BSN: variants seen among roughly 807,000 people sequenced by gnomAD.
BSN encodes the protein bassoon presynaptic cytomatrix protein, also known as protein bassoon.
In BSN, 57 loss-of-function variants were observed where a neutral mutation model predicts 264.8. The observed-to-expected ratio is 0.22, with a 90% CI of 0.17 to 0.27. The LOEUF is 0.27. Ranked by LOEUF, BSN falls within the 10% of genes least tolerant of loss-of-function variation. The pLI is 1.00. For missense variants in BSN, 4,615 were observed against 5,232.5 expected (o/e 0.88, Z 3.64); for synonymous variants, 2,059 against 2,137.3 (o/e 0.96, Z 1.01).
Position 49,654,672 on chromosome 3 carries a change from C to T in BSN, c.5116C>T (p.Arg1706Trp), listed in dbSNP as rs141249428. 31 of 1,613,728 alleles carry T rather than the reference C, an allele frequency of 1.9e-5. No homozygotes were observed. Among genetic ancestry groups the T allele is most frequent in the East Asian group, 4.5e-5 (2 of 44,876 alleles). ...YGLALDPIPG[R>W]QSTAVQPLVI... ...TCTTGCCCTGGATCCAATCCCAGGA[C>T]GGCAGTCGACCGCCGTGCAGCCCTT... is the stretch of plus-strand genomic sequence containing the variant. The change falls in exon 5 of 12, where the codon CGG (arginine) becomes TGG (tryptophan). Residue 1706 changes from arginine to tryptophan, a missense_variant. Arg to Trp is a moderately radical substitution (Grantham distance 101, BLOSUM62 -3). Coordinates refer to ENST00000296452, the MANE Select transcript of BSN (RefSeq NM_003458.4). The surrounding 1 kb of genome is among the most constrained non-coding windows in gnomAD (Gnocchi z 4.1).
intron 1 of BSN, among the ~76,000 whole-genome samples, chr3:49,575,295 A>G (rs2051834477): frequency 6.6e-6 from 1 of 151,972 alleles, no homozygotes; most frequent in South Asian, 2.1e-4. Flanking sequence ...CAGAGGTTGC[A>G]GTAACCCGAG....
intron 2 of BSN, among the ~76,000 whole-genome samples, chr3:49,632,659 C>A (rs1169537521): frequency 6.6e-6 from 1 of 151,996 alleles, no homozygotes; most frequent in Non-Finnish European, 1.5e-5. Flanking sequence ...AAAAAATAAG[C>A]CAGACGTGGT....
chr3:49,586,348 C>CT lies in BSN; in HGVS notation c.224+31523dup, dbSNP rs574880560. On this transcript the variant is annotated intron_variant, in intron 1 of 11. Coordinates refer to ENST00000296452, the MANE Select transcript of BSN (RefSeq NM_003458.4). ...CAGCTCTATCTATCTATCTATCTAT[C>CT]TATCTATCTATCTATCATTATCTAT... Among the ~76,000 whole-genome samples the CT allele has an allele frequency of 3.4e-4, 52 of 152,076 alleles. 1 individual carries two copies. The highest frequency in any genetic ancestry group is 2.3e-3 in the Admixed American group (35 of 15,264).
intron 1 of BSN, among the ~76,000 whole-genome samples, chr3:49,579,406 AT>A (rs746381369): frequency 2.0e-3 from 280 of 142,312 alleles, no homozygotes; most frequent in African/African-American, 2.8e-3. Flanking sequence ...GCGCTTTACA[AT>A]TTTTTTTTTT....
rs2052592695 is a variant in BSN, at chr3:49,655,690, T to C, written c.6134T>C (p.Leu2045Pro). The part of the protein sequence containing the change: ...QGLQYGSVTD[L>P]RHPTDLLAHP... Reference sequence around the variant, plus strand: ...TTGCAGTATGGCTCAGTCACGGACCTGCGTCATCCTACAGACCTTTTGGCT... The same window carrying C: ...TTGCAGTATGGCTCAGTCACGGACCCGCGTCATCCTACAGACCTTTTGGCT... Residue 2045 changes from leucine (L) to proline (P), a missense_variant, in exon 5 of 12, where the codon CTG becomes CCG. By Grantham distance (98) the Leu-to-Pro change is moderately conservative. This residue lies in a region of BSN where 3,415 missense variants were observed against 3,866.4 expected (regional missense o/e 0.88). Transcript: ENST00000296452. 1.9e-5 allele frequency: 30 copies of C among 1,613,572 alleles called. No homozygotes were observed. Among genetic ancestry groups the C allele is most frequent in the Non-Finnish European group, 2.5e-5 (30 of 1,180,034 alleles).
At chr3:49,609,625 A>G (rs1048557094) in intron 1 of BSN, among the ~76,000 whole-genome samples, 1 of 152,154 alleles carries the variant, frequency 6.6e-6, no homozygotes, top group African/African-American at 2.4e-5. Context: ...TGTGCCTGAC[A>G]TGCATATGGT....
Position 49,638,279 on chromosome 3 carries a change from CAG to C in BSN, c.634-3987_634-3986del, listed in dbSNP as rs1467188963. 8.8e-6 allele frequency among the ~76,000 whole-genome samples: 1 copy of C among 113,714 alleles called. No individual in the cohort carries two copies. Among genetic ancestry groups the C allele is most frequent in the Admixed American group, 1.4e-4 (1 of 7,096 alleles). The allele number at this position is 113,714 out of a possible 152,430, so 74.6% of individuals were successfully genotyped here. On this transcript the variant is annotated intron_variant, in intron 2 of 11. Transcript: ENST00000296452. The surrounding 1 kb of genome is among the most constrained non-coding windows in gnomAD (Gnocchi z 4.3). ...GCACTCAGGCCAGTGGAGTCTGCCA[CAG>C]AACTATTCATGTATACCCAGGCTGG...
Position 49,662,360 on chromosome 3 carries a change from G to A in BSN, c.10515G>A (p.Glu3505=). ...TGCGGAGCCAGGCCTCTGAAGAGGA[G>A]AGCCCCGTCAGTCCTTTGGGGAGGC... ...PPMRSQASEE[E]SPVSPLGRPR... Residue 3505 remains glutamate (E), a synonymous_variant, in exon 6 of 12, where the codon GAG becomes GAA. Transcript: ENST00000296452. The A allele has an allele frequency of 1.2e-6, 2 of 1,613,568 alleles. No homozygotes were observed. Among genetic ancestry groups the A allele is most frequent in the Non-Finnish European group, 1.7e-6 (2 of 1,179,804 alleles).
intron 1 of BSN, among the ~76,000 whole-genome samples, chr3:49,568,116 C>G (rs572401259): frequency 6.6e-6 from 1 of 152,182 alleles, no homozygotes; most frequent in Non-Finnish European, 1.5e-5. Flanking sequence ...TTTACTAACA[C>G]AGTCACAAGA....
intron 1 of BSN, among the ~76,000 whole-genome samples, chr3:49,574,222 C>G (rs1225495302): frequency 1.2e-4 from 16 of 135,018 alleles, no homozygotes; most frequent in African/African-American, 3.3e-4. Flanking sequence ...CCTGCCTCAG[C>G]CTCCCAAAGT....
chr3:49,592,356 C>T (rs1047690553), intron 1 of BSN, among the ~76,000 whole-genome samples: 45 of 151,728 alleles, frequency 3.0e-4, no homozygotes, highest in African/African-American at 9.2e-4. Flanking sequence ...GTGATCCACC[C>T]GCCTCAGCCT....
rs149811759 is a variant in BSN, at chr3:49,600,609, C to T, written c.225-24366C>T. On this transcript the variant is annotated intron_variant, in intron 1 of 11. Coordinates refer to ENST00000296452, the MANE Select transcript of BSN (RefSeq NM_003458.4). ...GATTTTGGGACCAGCATAGGCAACA[C>T]AGTAAGACCCTGTCTCCACAAAGGT... Among the ~76,000 whole-genome samples, 940 of 152,076 alleles carry T rather than the reference C, an allele frequency of 6.2e-3. 8 individuals carry two copies. Among genetic ancestry groups the T allele is most frequent in the African/African-American group, 0.022 (897 of 41,466 alleles).
At chr3:49,558,006 A>G (rs1402073413) in intron 1 of BSN, among the ~76,000 whole-genome samples, 2 of 152,210 alleles carry the variant, frequency 1.3e-5, no homozygotes, top group African/African-American at 4.8e-5. Flanking sequence ...GTCCTTCAGC[A>G]CCTCACAGAC....
At chr3:49,560,116 C>T (rs1200304243) in intron 1 of BSN, among the ~76,000 whole-genome samples, 11 of 152,140 alleles carry the variant, frequency 7.2e-5, no homozygotes, top group African/African-American at 2.6e-4. Flanking sequence ...TGTGGGGGAG[C>T]CCTCCCTGCA....
chr3:49,560,919 G>C (rs1228208731), intron 1 of BSN, among the ~76,000 whole-genome samples: 2 of 152,206 alleles, frequency 1.3e-5, no homozygotes, highest in African/African-American at 4.8e-5. Context: ...GTTCTGGTCA[G>C]CTCTGCTGTG....
intron 1 of BSN, among the ~76,000 whole-genome samples, chr3:49,595,893 A>T (rs2052018934): frequency 6.6e-6 from 1 of 152,138 alleles, no homozygotes; most frequent in Non-Finnish European, 1.5e-5. Context: ...GCAAATATAT[A>T]GTTTTTCCAA....
In BSN at chr3:49,671,307, C is replaced by T. The variant is rs1456510021; in HGVS notation, c.*3822C>T. On this transcript the variant is annotated 3_prime_UTR_variant, in exon 12 of 12. Transcript: ENST00000296452. The surrounding 1 kb of genome is among the most constrained non-coding windows in gnomAD (Gnocchi z 4.1). ...TTGTTTTTGCTTTCCCCTTCCTCCTCCCTCTCTCCCTTTCTTTCCTTCTCT... is the reference window on the plus strand; with the variant it reads ...TTGTTTTTGCTTTCCCCTTCCTCCTTCCTCTCTCCCTTTCTTTCCTTCTCT... 6.6e-6 allele frequency: 1 copy of T among 152,632 alleles called. No homozygotes were observed. Among genetic ancestry groups the T allele is most frequent in the African/African-American group, 2.4e-5 (1 of 41,410 alleles). 9.5% of individuals were successfully genotyped at this position (152,632 alleles called of 1,614,324 possible). A position where few individuals can be genotyped will look rare whatever the true frequency, so the allele number is the denominator to read the frequency against.
Position 49,660,665 on chromosome 3 carries a change from G to T in BSN, c.8820G>T (p.Leu2940=), listed in dbSNP as rs2052646250. 10 of 1,613,216 alleles carry T rather than the reference G, an allele frequency of 6.2e-6. No individual in the cohort carries two copies. The highest frequency in any genetic ancestry group is 8.5e-6 in the Non-Finnish European group (10 of 1,180,000). Residue 2940 remains leucine, a synonymous_variant, in exon 6 of 12, where the codon CTG becomes CTT. Coordinates refer to ENST00000296452, the MANE Select transcript of BSN (RefSeq NM_003458.4). The surrounding 1 kb of genome is among the most constrained non-coding windows in gnomAD (Gnocchi z 7.1). Reference sequence around the variant, plus strand: ...CTGTCCCTGCTACCAAGGCCAGCCTGCTCCGGGAGCTGGACCGGGACCTGC... The same window carrying T: ...CTGTCCCTGCTACCAAGGCCAGCCTTCTCCGGGAGCTGGACCGGGACCTGC... ...PTTVPATKAS[L]LRELDRDLRL...
At chr3:49,673,087 C>CTTTTTTTTTTTTTT (rs71080543), downstream of BSN, among the ~76,000 whole-genome samples, 106 of 43,192 alleles carry the variant, frequency 2.5e-3, 25 homozygotes, top group African/African-American at 3.1e-3. Context: ...CCGGCCGGGA[C>CTTTTTTTTTTTTTT]TTTTTTTTTT....
Sources: allele counts gnomAD v4.1 joint callset (sites outside exome capture counted in the v4.1 genomes callset), GRCh38; gene constraint gnomAD v4.1.1; regional missense constraint gnomAD v4.1.1; non-coding constraint Gnocchi (gnomAD v3.1); transcripts MANE v1.5; gene names NCBI Gene and HGNC (gene_info 2026-07-23, HGNC 2026-07-21).